Variants in HDAC9 observed in about 807,000 individuals in gnomAD.
HDAC9 encodes histone deacetylase 9, also known as MEF-2 interacting transcription repressor (MITR) protein.
A neutral mutation model predicts 139.4 loss-of-function variants in HDAC9; 41 were observed. The observed-to-expected ratio is 0.29, with a 90% confidence interval of 0.23 to 0.38. The LOEUF (loss-of-function observed/expected upper bound fraction) is 0.38. HDAC9 is among the 10% of genes least tolerant of loss of function. The pLI, the probability that HDAC9 is intolerant of heterozygous loss-of-function variation, is 1.00. For synonymous variants in HDAC9, 517 were observed against 476.2 expected (o/e 1.09, Z -1.12); for missense variants, 1,147 against 1,297.0 (o/e 0.88, Z 1.78).
At chr7:18,981,376 A>G (rs960720748) in intron 25 of HDAC9, among the ~76,000 whole-genome samples, 1 of 152,204 alleles carries the variant, frequency 6.6e-6, no homozygotes, top group Non-Finnish European at 1.5e-5. Context: ...GTACTCCTCA[A>G]AACGTTCACA....
chr7:18,917,511 C>G (rs890278587), intron 22 of HDAC9, among the ~76,000 whole-genome samples: 2 of 151,956 alleles, frequency 1.3e-5, no homozygotes, highest in Non-Finnish European at 2.9e-5. Context: ...ATCAGAGCCA[C>G]TTGTCTGAAC....
intron 2 of HDAC9, among the ~76,000 whole-genome samples, chr7:18,538,611 A>T (rs115094796): frequency 0.016 from 2,460 of 152,356 alleles, 60 homozygotes; most frequent in African/African-American, 0.056. Context: ...AGTTATAAGT[A>T]AAAGGAAAGC....
chr7:18,139,798 C>A (rs540432711), intron 1 of HDAC9, among the ~76,000 whole-genome samples: 1 of 152,040 alleles, frequency 6.6e-6, no homozygotes, highest in South Asian at 2.1e-4. Flanking sequence ...GTATTTAATA[C>A]GTACAGAAGG....
chr7:18,874,688 G>A (rs1209885158), intron 22 of HDAC9, 92 bp downstream of exon 22: 2 of 699,070 alleles, frequency 2.9e-6, no homozygotes, highest in Admixed American at 2.2e-5. Flanking sequence ...CATGTGTCCA[G>A]TAAACTTGGG....
chr7:18,754,349 A>G (rs1352572781), intron 14 of HDAC9, among the ~76,000 whole-genome samples: 2 of 152,012 alleles, frequency 1.3e-5, no homozygotes, highest in African/African-American at 4.8e-5. Flanking sequence ...AAGAAAAGAA[A>G]TGTGCTCTTC....
chr7:18,779,372 C>CTCA (rs1483362748), intron 16 of HDAC9, among the ~76,000 whole-genome samples: 1 of 151,930 alleles, frequency 6.6e-6, no homozygotes, highest in African/African-American at 2.4e-5. Context: ...AGCCTCAGAG[C>CTCA]TGATTGAAAA....
chr7:18,919,327 T>G (rs998346539), intron 22 of HDAC9, among the ~76,000 whole-genome samples: 1 of 152,104 alleles, frequency 6.6e-6, no homozygotes, highest in East Asian at 1.9e-4. Context: ...ACCAGTTTGG[T>G]GTTAAATGTG....
chr7:18,648,539 C>G lies in HDAC9; in HGVS notation c.1323C>G (p.His441Gln). The G allele has an allele frequency of 6.2e-7, 1 of 1,613,548 alleles. No individual in the cohort carries two copies. The highest frequency in any genetic ancestry group is 8.5e-7 in the Non-Finnish European group (1 of 1,179,748). ...TTTCACCTGGCATTAGAGGTACCCACAAATTGCCCCGTCACAGACCCCTGA... is the reference window on the plus strand; with the variant it reads ...TTTCACCTGGCATTAGAGGTACCCAGAAATTGCCCCGTCACAGACCCCTGA... Reference protein sequence around the residue: ...ERISPGIRGTHKLPRHRPLNR... With the variant: ...ERISPGIRGTQKLPRHRPLNR... Residue 441 changes from histidine (H) to glutamine (Q), a missense_variant, in exon 11 of 26, where the codon CAC (histidine) becomes CAG (glutamine). This residue lies in a region of HDAC9 where 264 missense variants were observed against 273.8 expected (regional missense o/e 0.96). Transcript: ENST00000686413.
At chr7:18,418,438 A>C (rs1789298802) in intron 1 of HDAC9, among the ~76,000 whole-genome samples, 1 of 151,642 alleles carries the variant, frequency 6.6e-6, no homozygotes, top group Non-Finnish European at 1.5e-5. Flanking sequence ...AAAAAAAAAA[A>C]AAAACTACAG....
intron 1 of HDAC9, among the ~76,000 whole-genome samples, chr7:18,107,148 C>T (rs1783271452): frequency 6.6e-6 from 1 of 152,146 alleles, no homozygotes; most frequent in Non-Finnish European, 1.5e-5. Flanking sequence ...TCTCCCCTGC[C>T]CTGTGTAGAT....
At chr7:18,207,973 G>A (rs983172078) in intron 2 of HDAC9, among the ~76,000 whole-genome samples, 7 of 151,956 alleles carry the variant, frequency 4.6e-5, no homozygotes, top group Admixed American at 1.3e-4. Flanking sequence ...CTCGGCCTCC[G>A]AAAGTGCTGG....
intron 1 of HDAC9, among the ~76,000 whole-genome samples, chr7:18,456,269 C>A (rs1308150059): frequency 6.6e-6 from 1 of 152,118 alleles, no homozygotes; most frequent in African/African-American, 2.4e-5. Context: ...TAGAGTCTTT[C>A]TCTGTTGCCC....
intron 2 of HDAC9, among the ~76,000 whole-genome samples, chr7:18,178,322 C>T (rs1789114406): frequency 6.6e-6 from 1 of 152,210 alleles, no homozygotes; most frequent in Non-Finnish European, 1.5e-5. Flanking sequence ...TGACCTCAGG[C>T]AATCTGCATG....
intron 4 of HDAC9, among the ~76,000 whole-genome samples, chr7:18,591,168 G>C (rs962537858): frequency 3.3e-5 from 5 of 152,052 alleles, no homozygotes; most frequent in African/African-American, 1.2e-4. Flanking sequence ...AAGATAACTT[G>C]ATTATTAAAA....
intron 22 of HDAC9, among the ~76,000 whole-genome samples, chr7:18,918,914 C>G (rs934439200): frequency 1.3e-5 from 2 of 151,962 alleles, no homozygotes; most frequent in Non-Finnish European, 2.9e-5. Context: ...ATTTAGTTCT[C>G]TGGTTGGTTC....
At chr7:18,110,650 A>G (rs1232243585) in intron 1 of HDAC9, among the ~76,000 whole-genome samples, 1 of 152,200 alleles carries the variant, frequency 6.6e-6, no homozygotes, top group Admixed American at 6.5e-5. Flanking sequence ...TCTAGATGGT[A>G]GAGCACACCT....
intron 17 of HDAC9, among the ~76,000 whole-genome samples, chr7:18,824,044 G>A (rs13310264): frequency 2.4e-4 from 16 of 67,184 alleles, no homozygotes; most frequent in East Asian, 1.4e-3. Context: ...AAGAGGAAGA[G>A]GAAGAAGAAG....
chr7:18,669,401 T>C (rs1795528253), intron 12 of HDAC9, among the ~76,000 whole-genome samples: 1 of 151,810 alleles, frequency 6.6e-6, no homozygotes, highest in South Asian at 2.1e-4. Context: ...TGGTAACAAT[T>C]ATTATAATAC....
At chr7:18,821,662 C>A (rs951720034) in intron 17 of HDAC9, among the ~76,000 whole-genome samples, 1 of 152,216 alleles carries the variant, frequency 6.6e-6, no homozygotes, top group African/African-American at 2.4e-5. Flanking sequence ...TCTGCAGACA[C>A]TGACTGGATG....
Sources: gnomAD v4.1 joint callset for allele counts (sites outside exome capture counted in the v4.1 genomes callset) on GRCh38, gnomAD v4.1.1 for gene constraint, gnomAD v4.1.1 regional missense constraint, MANE v1.5 for transcripts, NCBI Gene and HGNC (gene_info 2026-07-23, HGNC 2026-07-21) for gene names.